Variants in UMOD observed in about 807,000 individuals in gnomAD.
UMOD encodes Tamm-Horsfall urinary glycoprotein.
In UMOD, 64 loss-of-function variants were observed where a neutral mutation model predicts 66.0. The ratio of observed to expected loss-of-function variants is 0.97; its 90% CI spans 0.79 to 1.19. The LOEUF (loss-of-function observed/expected upper bound fraction) is 1.19. Ranked by LOEUF, UMOD falls within the 50% of genes most tolerant of loss-of-function variation. The probability of loss-of-function intolerance (pLI) is 0.00; values close to 1 mark genes in which losing one functional copy is unlikely to be tolerated. For missense variants in UMOD, 764 were observed against 850.9 expected (o/e 0.90, Z 1.27); for synonymous variants, 398 against 352.7 (o/e 1.13, Z -1.44).
In UMOD at chr16:20,349,054, A is replaced by G. The variant is rs1965758091; in HGVS notation, c.247T>C (p.Cys83Arg). Residue 83 changes from cysteine (C) to arginine (R), a missense_variant, in exon 3 of 11, where the codon TGC becomes CGC. Transcript: ENST00000396138. ...GAGAAGGAGCCTGGCGTGTTTACGCAGCTGCTGTTGGCGGAGCAGTTGTGA... is the reference window on the plus strand; with the variant it reads ...GAGAAGGAGCCTGGCGTGTTTACGCGGCTGCTGTTGGCGGAGCAGTTGTGA... ...GAHNCSANSS[C>R]VNTPGSFSCV... The G allele has an allele frequency of 6.2e-7, 1 of 1,607,412 alleles. No individual in the cohort carries two copies.
chr16:20,338,033 C>G (rs1317218897), intron 7 of UMOD, among the ~76,000 whole-genome samples: 1 of 151,924 alleles, frequency 6.6e-6, no homozygotes, highest in Non-Finnish European at 1.5e-5. Flanking sequence ...GCAAACTGGG[C>G]ACCCCCTCTG....
upstream of UMOD, among the ~76,000 whole-genome samples, chr16:20,355,576 G>A (rs538542282): frequency 3.6e-4 from 53 of 147,498 alleles, no homozygotes; most frequent in South Asian, 8.8e-4. Flanking sequence ...CACCATGCCC[G>A]GCTAATTTGT....
chr16:20,343,151 A>ATAAATAAATAAATAAATAATTAAT (rs34049357), intron 6 of UMOD, among the ~76,000 whole-genome samples: 6 of 151,334 alleles, frequency 4.0e-5, no homozygotes, highest in East Asian at 1.9e-4. Flanking sequence ...AAATAAATAA[A>ATAAATAAATAAATAAATAATTAAT]TAAATAATCA....
chr16:20,344,198 G>GTGTTGCTGTAA, intron 5 of UMOD, 26 bp from the exon 6 acceptor site: 1 of 1,484,882 alleles, frequency 6.7e-7, no homozygotes, highest in Non-Finnish European at 9.3e-7. Flanking sequence ...GGGGTGGAGG[G>GTGTTGCTGTAA]GGGGTGGGGA....
rs934081552 is a variant in UMOD at position 20,333,288 on chromosome 16, T to C, written c.*26A>G. On this transcript the variant is annotated 3_prime_UTR_variant, in exon 11 of 11. Transcript: ENST00000396138. Reference sequence around the variant, plus strand: ...CCAGCAGGAGGTGAGATGGCAGCCATGGAGCACAGGGCTTTCCGCTGTCAG... The same window carrying C: ...CCAGCAGGAGGTGAGATGGCAGCCACGGAGCACAGGGCTTTCCGCTGTCAG... 1.2e-6 allele frequency: 2 copies of C among 1,610,120 alleles called. No homozygotes were observed. The highest frequency in any genetic ancestry group is 1.7e-6 in the Non-Finnish European group (2 of 1,178,252).
At chr16:20,339,268 TTGAGATACCACCTTTA>T (rs1291166106) in intron 7 of UMOD, among the ~76,000 whole-genome samples, 2 of 152,246 alleles carry the variant, frequency 1.3e-5, no homozygotes, top group Admixed American at 6.5e-5. Flanking sequence ...TTTTTCTTTA[TTGAGATACCACCTTTA>T]TGAGCGTTTT....
chr16:20,334,240 G>T (rs368680091), intron 10 of UMOD, among the ~76,000 whole-genome samples: 15 of 151,872 alleles, frequency 9.9e-5, no homozygotes, highest in African/African-American at 3.4e-4. Context: ...TTGTTTGGCC[G>T]TTGTGTTTGC....
chr16:20,343,434 C>A (rs1283121386), intron 6 of UMOD, among the ~76,000 whole-genome samples: 1 of 152,152 alleles, frequency 6.6e-6, no homozygotes, highest in Non-Finnish European at 1.5e-5. Context: ...AAGTTGAGGT[C>A]CAAATATGAA....
intron 6 of UMOD, among the ~76,000 whole-genome samples, chr16:20,342,721 T>C (rs1411648212): frequency 6.6e-6 from 1 of 152,160 alleles, no homozygotes; most frequent in Non-Finnish European, 1.5e-5. Context: ...ATCAGTATAA[T>C]GGGAATAGTA....
chr16:20,338,277 C>T (rs1311903266), intron 7 of UMOD, among the ~76,000 whole-genome samples: 1 of 152,174 alleles, frequency 6.6e-6, no homozygotes, highest in Non-Finnish European at 1.5e-5. Context: ...GTGCTCAAGC[C>T]AACCTGGACA....
chr16:20,344,286 C>G, intron 5 of UMOD, 114 bp from the exon 6 acceptor site: 1 of 1,078,598 alleles, frequency 9.3e-7, no homozygotes, highest in Non-Finnish European at 1.4e-6. Context: ...ACTTGTGAGC[C>G]GCTCTCCTAG....
chr16:20,352,840 G>A (rs1596570289), upstream of UMOD: 2 of 858,572 alleles, frequency 2.3e-6, no homozygotes, highest in Admixed American at 4.3e-5. Flanking sequence ...TTTCCTCCTG[G>A]CATAATGTTT....
intron 2 of UMOD, chr16:20,350,004 GT>G: frequency 1.1e-6 from 1 of 887,834 alleles, no homozygotes. Flanking sequence ...CGTGAGGTCA[GT>G]TTTTTATGTA....
At chr16:20,352,948 C>T (rs114632195), upstream of UMOD, 1,810 of 389,750 alleles carry the variant, frequency 4.6e-3, 32 homozygotes, top group African/African-American at 0.034. Flanking sequence ...CCCGGAAATA[C>T]AAGGTCACTG....
At chr16:20,339,456 GAGGACAAGATCAA>G (rs2141641511) in intron 7 of UMOD, among the ~76,000 whole-genome samples, 1 of 152,324 alleles carries the variant, frequency 6.6e-6, no homozygotes, top group East Asian at 1.9e-4. Flanking sequence ...ACCATACAAT[GAGGACAAGATCAA>G]CAAAAGAGTT....
At chr16:20,344,528 G>A (rs1236838152) in intron 5 of UMOD, among the ~76,000 whole-genome samples, 7 of 151,358 alleles carry the variant, frequency 4.6e-5, no homozygotes, top group South Asian at 2.1e-4. Flanking sequence ...GCTTGAACCC[G>A]GGAGGCAGAG....
At position 20,336,679 on chromosome 16, in the gene UMOD, G is replaced by A. The variant is rs764905356; in HGVS notation, c.1789C>T (p.Arg597Cys). The A allele has an allele frequency of 1.6e-5, 26 of 1,613,990 alleles. No individual in the cohort carries two copies. The highest frequency in any genetic ancestry group is 2.7e-5 in the African/African-American group (2 of 74,916). ...GTGATGGGACCCAAGTTCAGGACAC[G>A]GGATTGATCTATGACACTCCCACTT... is the stretch of plus-strand genomic sequence containing the variant. ...FRSGSVIDQS[R>C]VLNLGPITRK... is the part of the protein sequence containing the mutation. Residue 597 changes from arginine (R) to cysteine (C), a missense_variant, in exon 9 of 11, where the codon CGT becomes TGT. By Grantham distance (180) the Arg-to-Cys change is radical. Transcript: ENST00000396138.
chr16:20,352,919 T>C (rs1048699796), upstream of UMOD: 10 of 409,680 alleles, frequency 2.4e-5, no homozygotes, highest in South Asian at 1.4e-4. Context: ...ATGATTGACA[T>C]TGGGGGGTCA....
chr16:20,352,749 T>G (rs1312635832), upstream of UMOD: 9 of 1,231,512 alleles, frequency 7.3e-6, no homozygotes, highest in African/African-American at 1.4e-4. Flanking sequence ...TATATACACA[T>G]TTGCCCCAGG....
Sources: gnomAD v4.1 joint callset for allele counts (sites outside exome capture counted in the v4.1 genomes callset) on GRCh38, gnomAD v4.1.1 for gene constraint, MANE v1.5 for transcripts, NCBI Gene and HGNC (gene_info 2026-07-23, HGNC 2026-07-21) for gene names.